SMUG1: variants seen among roughly 807,000 people sequenced by gnomAD.
SMUG1 encodes single-strand-selective monofunctional uracil-DNA glycosylase 1, also known as single-strand selective monofunctional uracil DNA glycosylase.
SMUG1 carries 13 observed loss-of-function variants against 23.9 expected under a neutral mutation model. The observed-to-expected ratio is 0.54, with a 90% CI of 0.35 to 0.86. The LOEUF is 0.86. Among genes scored for constraint, SMUG1 ranks in the 40% least tolerant of loss-of-function variants. The probability of loss-of-function intolerance (pLI) is 0.01; values close to 1 mark genes in which losing one functional copy is unlikely to be tolerated. For synonymous variants in SMUG1, 133 were observed against 139.8 expected (o/e 0.95, Z 0.34); for missense variants, 313 against 339.5 (o/e 0.92, Z 0.61).
intron 2 of SMUG1, among the ~76,000 whole-genome samples, chr12:54,173,876 CCAAA>C (rs1027386111): frequency 2.0e-5 from 3 of 151,894 alleles, no homozygotes; most frequent in Admixed American, 6.6e-5. Context: ...CGAAGATGCC[CCAAA>C]CACAGAGGCT....
downstream of SMUG1, among the ~76,000 whole-genome samples, chr12:54,176,784 G>A (rs1291184415): frequency 6.6e-6 from 1 of 150,792 alleles, no homozygotes; most frequent in Non-Finnish European, 1.5e-5. Flanking sequence ...TCCAGCCTGG[G>A]CGACAGAGCA....
chr12:54,168,130 T>A (rs1940530187), intron 3 of SMUG1, among the ~76,000 whole-genome samples: 1 of 152,216 alleles, frequency 6.6e-6, no homozygotes, highest in South Asian at 2.1e-4. Context: ...TTGTGAGAGA[T>A]GCTGCAGGTG....
At chr12:54,184,069 A>G (rs893160104) in intron 2 of SMUG1, 110 bp from the exon 3 acceptor site, 2 of 912,356 alleles carry the variant, frequency 2.2e-6, no homozygotes, top group Non-Finnish European at 1.6e-6. Flanking sequence ...AGGGACCCTA[A>G]GAGACCATGT....
At chr12:54,162,137 G>A (rs983927320), downstream of SMUG1, 1 of 153,250 alleles carries the variant, frequency 6.5e-6, no homozygotes, top group Non-Finnish European at 1.5e-5. Flanking sequence ...GCCACCAAAG[G>A]AGTCAGAGAA....
chr12:54,175,013 T>G (rs1203337669), intron 2 of SMUG1: 1 of 152,242 alleles, frequency 6.6e-6, no homozygotes, highest in Non-Finnish European at 1.5e-5. Flanking sequence ...CAAAGTAATT[T>G]ATTTCTATAT....
downstream of SMUG1, among the ~76,000 whole-genome samples, chr12:54,176,672 TAGCGG>T (rs1565805800): frequency 6.6e-6 from 1 of 151,246 alleles, no homozygotes; most frequent in Non-Finnish European, 1.5e-5. Context: ...CCGGGCGTGG[TAGCGG>T]GCGCCTGTAG....
intron 3 of SMUG1, among the ~76,000 whole-genome samples, chr12:54,166,160 A>G (rs57295283): frequency 0.068 from 10,375 of 152,268 alleles, 536 homozygotes; most frequent in African/African-American, 0.14. Context: ...CAGGAGTTCG[A>G]GACCAGCCTG....
rs961102907 is a variant in SMUG1, at chr12:54,182,026, T to C, written c.*70A>G. On this transcript the variant is annotated 3_prime_UTR_variant, in exon 4 of 4. Coordinates refer to ENST00000682136, the MANE Select transcript of SMUG1 (RefSeq NM_001243787.2). ...ACCTTTTGCTCCAGTCCAGGAGATGTGTTGTCATCTGCTTGGCCAAGAATG... is the reference window on the plus strand; with the variant it reads ...ACCTTTTGCTCCAGTCCAGGAGATGCGTTGTCATCTGCTTGGCCAAGAATG... The C allele has an allele frequency of 1.3e-6, 2 of 1,512,022 alleles. No individual in the cohort carries two copies. Among genetic ancestry groups the C allele is most frequent in the African/African-American group, 1.4e-5 (1 of 71,486 alleles). The allele number at this position is 1,512,022 out of a possible 1,614,324, so 93.7% of individuals were successfully genotyped here. A position where few individuals can be genotyped will look rare whatever the true frequency, so the allele number is the denominator to read the frequency against.
chr12:54,178,553 C>T (rs1285886871), downstream of SMUG1, among the ~76,000 whole-genome samples: 1 of 152,208 alleles, frequency 6.6e-6, no homozygotes, highest in Non-Finnish European at 1.5e-5. Context: ...ACTGCACCCA[C>T]ACTGCCTCCT....
downstream of SMUG1, among the ~76,000 whole-genome samples, chr12:54,178,004 G>C (rs1317177237): frequency 6.6e-6 from 1 of 152,174 alleles, no homozygotes; most frequent in South Asian, 2.1e-4. Flanking sequence ...TGGGTAATAA[G>C]GGGGGACCTA....
chr12:54,164,796 T>G (rs540069073), intron 4 of SMUG1: 1 of 152,084 alleles, frequency 6.6e-6, no homozygotes, highest in Non-Finnish European at 1.5e-5. Flanking sequence ...AGTGCAAGAG[T>G]GGAATAATAA....
chr12:54,159,266 G>A lies in SMUG1; in HGVS notation n.687+6108C>T, dbSNP rs1480478509. ...GAGGTAATTAGGAGCTGTGCAGTCC[G>A]TCCCCCAACAGGTAGAGCTGAGCAG... On this transcript the variant is annotated intron_variant and non_coding_transcript_variant, in intron 4 of 5. Coordinates refer to the SMUG1 transcript ENST00000634429. Among the ~76,000 whole-genome samples the A allele has an allele frequency of 1.5e-4, 23 of 152,288 alleles. No individual in the cohort carries two copies. The East Asian group carries it at 3.1e-3, about 20-fold the overall frequency.
chr12:54,185,550 T>A, intron 2 of SMUG1, among the ~76,000 whole-genome samples: 2 of 150,150 alleles, frequency 1.3e-5, no homozygotes, highest in East Asian at 2.0e-4. Flanking sequence ...CAACAGCTCA[T>A]GCCTGTAATC....
intron 3 of SMUG1, among the ~76,000 whole-genome samples, chr12:54,171,785 T>C (rs1425882296): frequency 6.6e-6 from 1 of 151,634 alleles, no homozygotes; most frequent in African/African-American, 2.4e-5. Context: ...AGCTAACATG[T>C]CCACAACTAA....
intron 2 of SMUG1, among the ~76,000 whole-genome samples, chr12:54,185,279 C>T (rs554666888): frequency 1.3e-5 from 2 of 149,184 alleles, no homozygotes; most frequent in East Asian, 2.0e-4. Context: ...CACTCCAGCA[C>T]GGGCAACAAC....
chr12:54,173,703 C>T (rs1272271536), intron 2 of SMUG1, among the ~76,000 whole-genome samples: 6 of 150,458 alleles, frequency 4.0e-5, no homozygotes, highest in African/African-American at 1.5e-4. Context: ...GCCCGGGCTG[C>T]TCGCCTCCTC....
rs1565832322 is a variant in SMUG1, at chr12:54,185,478, AAAATAAAAAATAAATAAAT to A, written c.-19-1538_-19-1520del. On this transcript the variant is annotated intron_variant, in intron 2 of 3. Coordinates refer to ENST00000682136, the MANE Select transcript of SMUG1 (RefSeq NM_001243787.2). ...GCAAGACTCCATCTCAAAAAAAAAT[AAAATAAAAAATAAATAAAT>A]AAATAAATAAATAAATAAATAAATA... Among the ~76,000 whole-genome samples the A allele has an allele frequency of 2.2e-4, 17 of 76,156 alleles. 1 individual carries two copies. The highest frequency in any genetic ancestry group is 7.0e-4 in the African/African-American group (16 of 22,818). 50.0% of individuals were successfully genotyped at this position (76,156 alleles called of 152,430 possible). A position where few individuals can be genotyped will look rare whatever the true frequency, so the allele number is the denominator to read the frequency against.
At chr12:54,158,808 C>T (rs933147876) in intron 4 of SMUG1, among the ~76,000 whole-genome samples, 2 of 152,182 alleles carry the variant, frequency 1.3e-5, no homozygotes, top group Non-Finnish European at 2.9e-5. Context: ...ACCCACCAGA[C>T]AGGAAAATGA....
At chr12:54,179,294 T>C (rs995370562), downstream of SMUG1, among the ~76,000 whole-genome samples, 7 of 152,308 alleles carry the variant, frequency 4.6e-5, no homozygotes, top group African/African-American at 1.7e-4. Context: ...ATTAGTTCTG[T>C]CTCTCTAGAC....
Sources: gnomAD v4.1 joint callset for allele counts (sites outside exome capture counted in the v4.1 genomes callset) on GRCh38, gnomAD v4.1.1 for gene constraint, MANE v1.5 for transcripts, NCBI Gene and HGNC (gene_info 2026-07-23, HGNC 2026-07-21) for gene names.